Variants in WWOX observed in about 807,000 individuals in gnomAD.
WWOX encodes the protein WW domain containing oxidoreductase, also known as WW domain-containing oxidoreductase.
WWOX carries 69 observed loss-of-function variants against 46.2 expected under a neutral mutation model. That is an observed-to-expected ratio of 1.49 (90% CI 1.23 to 1.82). WWOX has a LOEUF of 1.82. WWOX is among the 40% of genes most tolerant of loss of function. The pLI, the probability that WWOX is intolerant of heterozygous loss-of-function variation, is 0.00. For missense variants in WWOX, 919 were observed against 542.6 expected, an observed-to-expected ratio of 1.69 and a Z score of -6.89; for synonymous variants, 359 against 202.6, an observed-to-expected ratio of 1.77 and a Z score of -6.56.
rs575385382 is a variant in WWOX at position 78,838,461 on chromosome 16, A to G, written c.1057-373147A>G. On this transcript the variant is annotated intron_variant, in intron 8 of 8. Transcript: ENST00000566780. ...TATTTTCTTTGGCTGCAAATGTACTATAAAAGAGTGAAAAAGCCAATCCCA... is the reference window on the plus strand; with the variant it reads ...TATTTTCTTTGGCTGCAAATGTACTGTAAAAGAGTGAAAAAGCCAATCCCA... 1.1e-3 allele frequency among the ~76,000 whole-genome samples: 166 copies of G among 152,356 alleles called. 1 individual carries two copies. Among genetic ancestry groups the G allele is most frequent in the African/African-American group, 3.9e-3 (163 of 41,582 alleles).
chr16:78,624,604 A>C (rs1370273576), intron 8 of WWOX, among the ~76,000 whole-genome samples: 1 of 152,218 alleles, frequency 6.6e-6, no homozygotes, highest in East Asian at 1.9e-4. Flanking sequence ...AACTTGGCAG[A>C]AATTCAGAAA....
chr16:78,953,386 G>C (rs1339381158), intron 8 of WWOX, among the ~76,000 whole-genome samples: 3 of 152,144 alleles, frequency 2.0e-5, no homozygotes, highest in Non-Finnish European at 4.4e-5. Flanking sequence ...AATGGATGCT[G>C]CTAATTGCAA....
chr16:78,881,633 A>C (rs1346552134), intron 8 of WWOX, among the ~76,000 whole-genome samples: 1 of 152,184 alleles, frequency 6.6e-6, no homozygotes, highest in African/African-American at 2.4e-5. Flanking sequence ...GCTTTGTATT[A>C]CATTCTTCTT....
At chr16:78,686,287 G>A (rs922145028) in intron 8 of WWOX, among the ~76,000 whole-genome samples, 12 of 152,068 alleles carry the variant, frequency 7.9e-5, no homozygotes, top group East Asian at 1.9e-4. Flanking sequence ...CGAGGCGGGC[G>A]GATCACGAGG....
intron 8 of WWOX, among the ~76,000 whole-genome samples, chr16:78,514,391 C>G (rs1382480972): frequency 6.6e-6 from 1 of 152,158 alleles, no homozygotes; most frequent in Non-Finnish European, 1.5e-5. Flanking sequence ...AAATTTTTCT[C>G]CTTGGCAGGT....
intron 8 of WWOX, among the ~76,000 whole-genome samples, chr16:78,683,057 G>C (rs1427880824): frequency 6.6e-6 from 1 of 152,140 alleles, no homozygotes; most frequent in Non-Finnish European, 1.5e-5. Flanking sequence ...AGGAAGGATC[G>C]TCATTTAGAA....
intron 5 of WWOX, among the ~76,000 whole-genome samples, chr16:78,211,755 C>T (rs960462298): frequency 2.6e-5 from 4 of 152,128 alleles, no homozygotes; most frequent in Non-Finnish European, 4.4e-5. Flanking sequence ...GGCTTTGCAG[C>T]ACAGCTAGGA....
chr16:79,041,944 C>G (rs1333207269), intron 8 of WWOX, among the ~76,000 whole-genome samples: 1 of 152,016 alleles, frequency 6.6e-6, no homozygotes, highest in African/African-American at 2.4e-5. Context: ...TTGGTGGTTT[C>G]TTGTGTGGAA....
intron 8 of WWOX, among the ~76,000 whole-genome samples, chr16:79,172,240 G>A (rs1011509362): frequency 2.6e-5 from 4 of 152,140 alleles, no homozygotes; most frequent in African/African-American, 9.7e-5. Flanking sequence ...TGAGCCTTAG[G>A]GAGCAGGAAC....
chr16:78,555,735 A>G (rs1369314324), intron 8 of WWOX, among the ~76,000 whole-genome samples: 1 of 152,006 alleles, frequency 6.6e-6, no homozygotes, highest in East Asian at 1.9e-4. Flanking sequence ...ATGACTCCAC[A>G]TTTGGAATGA....
At chr16:79,007,111 A>G (rs2047206769) in intron 8 of WWOX, among the ~76,000 whole-genome samples, 1 of 152,208 alleles carries the variant, frequency 6.6e-6, no homozygotes, top group African/African-American at 2.4e-5. Flanking sequence ...GAGAGGTCAC[A>G]ATAGCAAATG....
At chr16:78,925,191 A>T (rs937426252) in intron 8 of WWOX, among the ~76,000 whole-genome samples, 1 of 152,152 alleles carries the variant, frequency 6.6e-6, no homozygotes, top group Admixed American at 6.5e-5. Context: ...TAAAACCCTG[A>T]CTTAAAACAA....
At chr16:78,399,270 G>A (rs1178545529) in intron 6 of WWOX, among the ~76,000 whole-genome samples, 1 of 152,224 alleles carries the variant, frequency 6.6e-6, no homozygotes, top group African/African-American at 2.4e-5. Context: ...CTCAGTGATA[G>A]AATCTTGAGT....
intron 8 of WWOX, among the ~76,000 whole-genome samples, chr16:78,893,870 G>C (rs2044643488): frequency 6.6e-6 from 1 of 152,024 alleles, no homozygotes; most frequent in South Asian, 2.1e-4. Flanking sequence ...TAGCAAGCTA[G>C]AACACAAGAT....
At chr16:78,841,817 G>A (rs1349184895) in intron 8 of WWOX, among the ~76,000 whole-genome samples, 2 of 152,196 alleles carry the variant, frequency 1.3e-5, no homozygotes, top group Non-Finnish European at 2.9e-5. Flanking sequence ...CTAATTATGT[G>A]TGTGGGTAGA....
At chr16:78,322,033 G>A (rs768949721) in intron 5 of WWOX, among the ~76,000 whole-genome samples, 3 of 152,188 alleles carry the variant, frequency 2.0e-5, no homozygotes, top group Admixed American at 6.5e-5. Context: ...AAAGTGGACA[G>A]ACCCAAATGT....
chr16:78,964,925 G>C (rs1291023517), intron 8 of WWOX, among the ~76,000 whole-genome samples: 1 of 152,226 alleles, frequency 6.6e-6, no homozygotes, highest in African/African-American at 2.4e-5. Context: ...CCCAAGCCTT[G>C]GCAGCCTCCA....
At chr16:79,203,330 C>G (rs1327089829) in intron 8 of WWOX, 1 of 152,130 alleles carries the variant, frequency 6.6e-6, no homozygotes, top group Non-Finnish European at 1.5e-5. Flanking sequence ...TATGGAAATC[C>G]ACACACCTAA....
At chr16:78,337,622 C>T (rs916172422) in intron 5 of WWOX, among the ~76,000 whole-genome samples, 13 of 152,132 alleles carry the variant, frequency 8.5e-5, no homozygotes, top group East Asian at 1.9e-4. Context: ...CGTAGTTTCA[C>T]GCCTCTAAAA....
Sources: gnomAD v4.1 joint callset for allele counts (sites outside exome capture counted in the v4.1 genomes callset) on GRCh38, gnomAD v4.1.1 for gene constraint, MANE v1.5 for transcripts, NCBI Gene and HGNC (gene_info 2026-07-23, HGNC 2026-07-21) for gene names.